TPD52L1: variants seen among roughly 807,000 people sequenced by gnomAD.
TPD52L1 encodes TPD52 like 1.
Under a neutral mutation model 28.7 loss-of-function variants are expected in TPD52L1, and 18 were observed. The ratio of observed to expected loss-of-function variants is 0.63; its 90% CI spans 0.43 to 0.93. The LOEUF (loss-of-function observed/expected upper bound fraction) is 0.93. Among genes scored for constraint, TPD52L1 ranks in the 40% least tolerant of loss-of-function variants. The pLI is 0.00. For missense variants in TPD52L1, 203 were observed against 254.8 expected (o/e 0.80, Z 1.39); for synonymous variants, 75 against 88.8 (o/e 0.84, Z 0.88).
chr6:125,166,773 T>A (rs1297163578), intron 1 of TPD52L1, among the ~76,000 whole-genome samples: 18 of 137,556 alleles, frequency 1.3e-4, no homozygotes, highest in Non-Finnish European at 1.8e-4. Context: ...ATGACTTCTT[T>A]AAAAAAAAAA....
At position 125,228,975 on chromosome 6, in the gene TPD52L1, G is replaced by A. The variant is rs61098798; in HGVS notation, c.136-143G>A. ...ACTTTGAGATATTAGACTATCATCT[G>A]TATGGGGTGTATTTGGCAAACCTAC... On this transcript the variant is annotated intron_variant, in intron 2 of 6. Coordinates refer to ENST00000534000, the MANE Select transcript of TPD52L1 (RefSeq NM_003287.4). 1,672 of 657,300 alleles carry A rather than the reference G, an allele frequency of 2.5e-3. 24 individuals are homozygous for A. The African/African-American group carries it at 0.028, about 11-fold the overall frequency. The allele number at this position is 657,300 out of a possible 1,614,324, so 40.7% of individuals were successfully genotyped here.
At chr6:125,212,174 CTT>C (rs1454887073) in intron 1 of TPD52L1, among the ~76,000 whole-genome samples, 1 of 152,066 alleles carries the variant, frequency 6.6e-6, no homozygotes, top group African/African-American at 2.4e-5. Flanking sequence ...ATATTACAGT[CTT>C]AAATCTATTA....
Position 125,253,479 on chromosome 6 carries a change from C to G in TPD52L1, c.387-238C>G. On this transcript the variant is annotated intron_variant, in intron 4 of 6. Coordinates refer to ENST00000534000, the MANE Select transcript of TPD52L1 (RefSeq NM_003287.4). Reference sequence around the variant, plus strand: ...CAGATTTCCTGGCAAAAGGAGGCTGCAGAAAGTAAAATAATATGCAACCAC... The same window carrying G: ...CAGATTTCCTGGCAAAAGGAGGCTGGAGAAAGTAAAATAATATGCAACCAC... 3.9e-6 allele frequency: 2 copies of G among 517,320 alleles called. 1 individual carries two copies. Among genetic ancestry groups the G allele is most frequent in the South Asian group, 5.5e-5 (2 of 36,478 alleles). The allele number at this position is 517,320 out of a possible 1,614,324, so 32.0% of individuals were successfully genotyped here. A position where few individuals can be genotyped will look rare whatever the true frequency, so the allele number is the denominator to read the frequency against.
intron 1 of TPD52L1, among the ~76,000 whole-genome samples, chr6:125,207,315 T>C (rs1196545368): frequency 6.6e-6 from 1 of 152,184 alleles, no homozygotes; most frequent in Non-Finnish European, 1.5e-5. Flanking sequence ...ACCTAACAGA[T>C]TTGCATTAAA....
chr6:125,218,614 T>C (rs1795033632), intron 1 of TPD52L1, among the ~76,000 whole-genome samples: 2 of 152,202 alleles, frequency 1.3e-5, no homozygotes, highest in Admixed American at 1.3e-4. Context: ...CGTCCGTTTT[T>C]CATGGTTTGC....
At chr6:125,168,978 G>A (rs868443584) in intron 1 of TPD52L1, among the ~76,000 whole-genome samples, 7 of 152,230 alleles carry the variant, frequency 4.6e-5, no homozygotes, top group South Asian at 4.1e-4. Context: ...GCATGTGGGC[G>A]CTTTCTTGCT....
chr6:125,175,063 C>T (rs1441797299), intron 1 of TPD52L1, among the ~76,000 whole-genome samples: 1 of 152,060 alleles, frequency 6.6e-6, no homozygotes, highest in Non-Finnish European at 1.5e-5. Flanking sequence ...CTTTACTCTG[C>T]CTTATTTTTC....
chr6:125,239,970 A>C (rs1796517877), intron 3 of TPD52L1, among the ~76,000 whole-genome samples: 1 of 152,174 alleles, frequency 6.6e-6, no homozygotes, highest in Non-Finnish European at 1.5e-5. Flanking sequence ...TCTTAGATTT[A>C]AGTCTCACAT....
chr6:125,164,100 T>C (rs1430789158), intron 1 of TPD52L1, among the ~76,000 whole-genome samples: 2 of 152,178 alleles, frequency 1.3e-5, no homozygotes, highest in Admixed American at 6.6e-5. Flanking sequence ...TGACTTCATA[T>C]CTTGAGATTT....
At chr6:125,169,709 C>T (rs60718770) in intron 1 of TPD52L1, among the ~76,000 whole-genome samples, 9,429 of 152,148 alleles carry the variant, frequency 0.062, 567 homozygotes, top group East Asian at 0.33. Context: ...ACTGCAGGAG[C>T]CTCCTAGCAG....
intron 4 of TPD52L1, 53 bp from the exon 5 acceptor site, chr6:125,253,664 G>A: frequency 6.6e-7 from 1 of 1,519,846 alleles, no homozygotes; most frequent in East Asian, 2.3e-5. Flanking sequence ...ATGTACTTAT[G>A]TGTGCTCTCT....
At chr6:125,251,230 T>C (rs943697683) in intron 4 of TPD52L1, among the ~76,000 whole-genome samples, 9 of 152,190 alleles carry the variant, frequency 5.9e-5, no homozygotes, top group African/African-American at 2.2e-4. Flanking sequence ...CCTTTTATTT[T>C]AAACTTCTTT....
intron 4 of TPD52L1, chr6:125,252,048 A>G (rs3799734): frequency 0.46 from 711,076 of 1,535,388 alleles, 168,188 homozygotes; most frequent in East Asian, 0.71. Flanking sequence ...TAAGCGCCAC[A>G]GGGCTGCGTG....
chr6:125,170,336 A>G (rs1030132363), intron 1 of TPD52L1, among the ~76,000 whole-genome samples: 3 of 151,928 alleles, frequency 2.0e-5, no homozygotes, highest in African/African-American at 7.3e-5. Context: ...GGAGAGTAAC[A>G]CTGAGGTTAG....
intron 6 of TPD52L1, chr6:125,261,269 T>C (rs1798041177): frequency 6.6e-6 from 1 of 152,048 alleles, no homozygotes; most frequent in Non-Finnish European, 1.5e-5. Flanking sequence ...GAGAGAGATT[T>C]TAGTGACAAT....
intron 1 of TPD52L1, among the ~76,000 whole-genome samples, chr6:125,165,336 A>G (rs539447204): frequency 3.9e-5 from 6 of 152,172 alleles, no homozygotes; most frequent in African/African-American, 1.4e-4. Context: ...AAGGCAGGAG[A>G]ATATTTTAAT....
chr6:125,160,850 C>CTT (rs57061570), intron 1 of TPD52L1, among the ~76,000 whole-genome samples: 4,653 of 129,372 alleles, frequency 0.036, 368 homozygotes, highest in African/African-American at 0.13. Flanking sequence ...ACAGAGATGA[C>CTT]TTTTTTTTTT....
At chr6:125,154,197 C>A in intron 1 of TPD52L1, 1 of 1,354,382 alleles carries the variant, frequency 7.4e-7, no homozygotes, top group South Asian at 1.8e-5. Flanking sequence ...GTGGAGAGGC[C>A]CCTCCTCAGG....
intron 3 of TPD52L1, among the ~76,000 whole-genome samples, chr6:125,231,429 C>T (rs1242163363): frequency 6.6e-6 from 1 of 152,128 alleles, no homozygotes. Flanking sequence ...TCAAGGAAGG[C>T]TTCTAGCCTC....
Sources: gnomAD v4.1 joint callset for allele counts (sites outside exome capture counted in the v4.1 genomes callset) on GRCh38, gnomAD v4.1.1 for gene constraint, MANE v1.5 for transcripts, NCBI Gene and HGNC (gene_info 2026-07-23, HGNC 2026-07-21) for gene names.